Variants in CAMK1G observed in about 807,000 individuals in gnomAD.
CAMK1G encodes calcium/calmodulin dependent protein kinase IG.
CAMK1G carries 27 observed loss-of-function variants against 54.8 expected under a neutral mutation model. The ratio of observed to expected loss-of-function variants is 0.49; its 90% confidence interval spans 0.36 to 0.68. The LOEUF (loss-of-function observed/expected upper bound fraction) is 0.68, where lower values mean the gene tolerates loss of function less well. Among genes scored for constraint, CAMK1G ranks in the 30% least tolerant of loss-of-function variants. The pLI, the probability that CAMK1G is intolerant of heterozygous loss-of-function variation, is 0.00. For synonymous variants in CAMK1G, 238 were observed against 224.9 expected (o/e 1.06, Z -0.52); for missense variants, 512 against 591.0 (o/e 0.87, Z 1.39).
At chr1:209,590,474 G>A (rs928130840) in intron 1 of CAMK1G, among the ~76,000 whole-genome samples, 15 of 152,178 alleles carry the variant, frequency 9.9e-5, no homozygotes, top group African/African-American at 3.1e-4. Flanking sequence ...AGGAGTGGGC[G>A]GGAAAGATGT....
At chr1:209,608,072 TACACACACAC>T (rs35151738) in intron 7 of CAMK1G, 139 bp downstream of exon 7, 10 of 559,140 alleles carry the variant, frequency 1.8e-5, no homozygotes, top group Middle Eastern at 9.0e-4. Context: ...GGCACACGGG[TACACACACAC>T]ACACACACAC....
chr1:209,610,773 AC>A (rs1266559374), intron 9 of CAMK1G, among the ~76,000 whole-genome samples: 1 of 152,026 alleles, frequency 6.6e-6, no homozygotes, highest in Non-Finnish European at 1.5e-5. Flanking sequence ...CATGAACAAC[AC>A]CCGACATCTA....
rs1276989447 is a variant in CAMK1G, at chr1:209,613,512, C to A, written c.*510C>A. On this transcript the variant is annotated 3_prime_UTR_variant, in exon 13 of 13. Transcript: ENST00000361322. Reference sequence around the variant, plus strand: ...TTGGGCTCATTAATGTCGTTGCCTGCCCATCTGCATGAATGACAGGCAGCT... The same window carrying A: ...TTGGGCTCATTAATGTCGTTGCCTGACCATCTGCATGAATGACAGGCAGCT... 1 of 152,298 alleles carries A rather than the reference C, an allele frequency of 6.6e-6. No homozygotes were observed. Among genetic ancestry groups the A allele is most frequent in the Non-Finnish European group, 1.5e-5 (1 of 68,124 alleles). The allele number at this position is 152,298 out of a possible 1,614,324, so 9.4% of individuals were successfully genotyped here. A position where few individuals can be genotyped will look rare whatever the true frequency, so the allele number is the denominator to read the frequency against.
intron 1 of CAMK1G, among the ~76,000 whole-genome samples, chr1:209,590,005 T>C (rs1251251748): frequency 6.6e-6 from 1 of 152,146 alleles, no homozygotes; most frequent in Non-Finnish European, 1.5e-5. Flanking sequence ...ATCCTCCAAG[T>C]CTCCTGAGCT....
intron 4 of CAMK1G, among the ~76,000 whole-genome samples, chr1:209,604,395 C>A (rs1013917213): frequency 6.6e-6 from 1 of 152,170 alleles, no homozygotes; most frequent in Admixed American, 6.5e-5. Flanking sequence ...GACACTAAGC[C>A]TCCTCAGAGC....
In CAMK1G at chr1:209,601,178, G is replaced by A. The variant is rs190714131; in HGVS notation, c.221+1067G>A. Among the ~76,000 whole-genome samples the A allele has an allele frequency of 2.8e-4, 43 of 152,282 alleles. No individual in the cohort carries two copies. In the Middle Eastern group the frequency reaches 0.02, roughly 72 times the overall value. Reference sequence around the variant, plus strand: ...GGATGGATTGGAGGGTGCCAGCCTAGAGGACAGGAGGCTAATTATAAGACT... The same window carrying A: ...GGATGGATTGGAGGGTGCCAGCCTAAAGGACAGGAGGCTAATTATAAGACT... On this transcript the variant is annotated intron_variant, in intron 3 of 12. Transcript: ENST00000361322.
At chr1:209,606,828 G>A (rs1665661497) in intron 6 of CAMK1G, among the ~76,000 whole-genome samples, 1 of 152,182 alleles carries the variant, frequency 6.6e-6, no homozygotes, top group African/African-American at 2.4e-5. Context: ...CTCTGAAGGA[G>A]ACATTAGCCC....
chr1:209,608,421 C>A lies in CAMK1G; in HGVS notation c.635+488C>A, dbSNP rs571671090. ...CATTCCCAAGCTCTCCCTTTCCTAA[C>A]CTGCCCATCACCTCTTCCCCACCAT... On this transcript the variant is annotated intron_variant, in intron 7 of 12. Coordinates refer to ENST00000361322, the MANE Select transcript of CAMK1G (RefSeq NM_020439.3). 4.5e-4 allele frequency among the ~76,000 whole-genome samples: 68 copies of A among 152,284 alleles called. No homozygotes were observed. In the South Asian group the frequency reaches 0.013, roughly 29 times the overall value.
chr1:209,585,896 G>C (rs946893465), intron 1 of CAMK1G, among the ~76,000 whole-genome samples: 4 of 152,268 alleles, frequency 2.6e-5, no homozygotes, highest in African/African-American at 4.8e-5. Context: ...CGTGCCTGGC[G>C]CTACAACTGC....
rs191686091 is a variant in CAMK1G, at chr1:209,588,710, C to G, written c.-30+4938C>G. ...GGCCACTGCAGACAAAGCTTATCTG[C>G]CTGAGAGTTCCATCTCGGGCTAGTG... On this transcript the variant is annotated intron_variant, in intron 1 of 12. Coordinates refer to ENST00000361322, the MANE Select transcript of CAMK1G (RefSeq NM_020439.3). Among the ~76,000 whole-genome samples, 12 of 152,254 alleles carry G rather than the reference C, an allele frequency of 7.9e-5. No individual in the cohort carries two copies. In the East Asian group the frequency reaches 2.1e-3, roughly 27 times the overall value.
chr1:209,595,279 G>A (rs906223000), intron 2 of CAMK1G, among the ~76,000 whole-genome samples: 1 of 152,156 alleles, frequency 6.6e-6, no homozygotes. Context: ...TAATACCAAA[G>A]ATGATTTAAT....
chr1:209,592,779 T>C (rs919093800), intron 1 of CAMK1G, among the ~76,000 whole-genome samples: 1 of 152,194 alleles, frequency 6.6e-6, no homozygotes, highest in Admixed American at 6.5e-5. Context: ...CCTCTTCCCC[T>C]CTGCCAAGAG....
At chr1:209,605,455 C>T (rs1322819744) in intron 4 of CAMK1G, 81 bp from the exon 5 acceptor site, 3 of 1,534,180 alleles carry the variant, frequency 2.0e-6, no homozygotes, top group Non-Finnish European at 2.6e-6. Context: ...AGCTGTGTCC[C>T]CCAAGGCTTC....
At position 209,611,823 on chromosome 1, in the gene CAMK1G, A is replaced by C. The variant is rs1195250957; in HGVS notation, c.947A>C (p.His316Pro). The C allele has an allele frequency of 1.2e-6, 2 of 1,614,036 alleles. No homozygotes were observed. The highest frequency in any genetic ancestry group is 1.7e-5 in the Admixed American group (1 of 60,012). The change falls in exon 11 of 13, where the codon CAC becomes CCC. Residue 316 changes from histidine to proline, a missense_variant. Around this residue, in one of 3 missense-constraint regions of CAMK1G, gnomAD observed 315 missense variants for 330.5 expected, o/e 0.95. Coordinates refer to ENST00000361322, the MANE Select transcript of CAMK1G (RefSeq NM_020439.3). ...QAFNAAAVVH[H>P]MRKLHMNLHS... is the part of the protein sequence containing the mutation. ...TTCAACGCAGCAGCTGTGGTGCACC[A>C]CATGAGGAAGCTACACATGAACCTG...
intron 1 of CAMK1G, among the ~76,000 whole-genome samples, chr1:209,594,473 GAGTTACAAAAAC>G (rs1665332145): frequency 6.6e-6 from 1 of 152,224 alleles, no homozygotes; most frequent in East Asian, 1.9e-4. Flanking sequence ...AATGTTGTAG[GAGTTACAAAAAC>G]AGCACAATAC....
At chr1:209,609,201 T>C in intron 8 of CAMK1G, 109 bp downstream of exon 8, 2 of 1,291,512 alleles carry the variant, frequency 1.5e-6, no homozygotes, top group Non-Finnish European at 2.2e-6. Flanking sequence ...TCCCTGGGGA[T>C]CTTACAGAAC....
intron 8 of CAMK1G, among the ~76,000 whole-genome samples, chr1:209,609,336 G>A (rs1336237887): frequency 2.0e-5 from 3 of 152,194 alleles, no homozygotes; most frequent in Non-Finnish European, 2.9e-5. Flanking sequence ...AGGAGATGGG[G>A]GGGCAGTTTA....
At chr1:209,583,859 A>C (rs1441203544) in intron 1 of CAMK1G, 87 bp downstream of exon 1, 5 of 152,170 alleles carry the variant, frequency 3.3e-5, no homozygotes, top group African/African-American at 1.2e-4. Flanking sequence ...GGATTTGAAG[A>C]GCCACTTTGT....
rs35151738 is a variant in CAMK1G, at chr1:209,608,072, T to TACACACACAC, written c.635+155_635+164dup. The TACACACACAC allele has an allele frequency of 1.3e-5, 7 of 559,306 alleles. No individual in the cohort carries two copies. The South Asian group carries it at 1.6e-4, about 13-fold the overall frequency. The allele number at this position is 559,306 out of a possible 1,614,324, so 34.6% of individuals were successfully genotyped here. A position where few individuals can be genotyped will look rare whatever the true frequency, so the allele number is the denominator to read the frequency against. ...AGACACAGGCACAGGGGCACACGGG[T>TACACACACAC]ACACACACACACACACACACACACA... On this transcript the variant is annotated intron_variant, in intron 7 of 12. Transcript: ENST00000361322.
Sources: gnomAD v4.1 joint callset for allele counts (sites outside exome capture counted in the v4.1 genomes callset) on GRCh38, gnomAD v4.1.1 for gene constraint, gnomAD v4.1.1 regional missense constraint, MANE v1.5 for transcripts, NCBI Gene and HGNC (gene_info 2026-07-23, HGNC 2026-07-21) for gene names.